The following DENND1B variants were observed in gnomAD, a reference collection of about 807,000 sequenced individuals.
The protein encoded by DENND1B is DENN domain-containing protein 1B.
Under a neutral mutation model 90.1 loss-of-function variants are expected in DENND1B, and 59 were observed. The ratio of observed to expected loss-of-function variants is 0.65; its 90% CI spans 0.53 to 0.81. DENND1B has a LOEUF of 0.81. DENND1B is among the 40% of genes least tolerant of loss of function. The probability of loss-of-function intolerance (pLI) is 0.00; values close to 1 mark genes in which losing one functional copy is unlikely to be tolerated. For missense variants in DENND1B, 862 were observed against 912.6 expected, an observed-to-expected ratio of 0.94 and a Z score of 0.71; for synonymous variants, 337 against 324.6, an observed-to-expected ratio of 1.04 and a Z score of -0.41.
chr1:197,561,659 T>C (rs922471230), intron 15 of DENND1B, among the ~76,000 whole-genome samples: 6 of 151,762 alleles, frequency 4.0e-5, no homozygotes, highest in African/African-American at 1.5e-4. Flanking sequence ...CCAATAGATA[T>C]CTTGACTTAA....
intron 14 of DENND1B, among the ~76,000 whole-genome samples, chr1:197,591,109 C>T (rs1675162571): frequency 6.6e-6 from 1 of 152,160 alleles, no homozygotes; most frequent in African/African-American, 2.4e-5. Context: ...TGGTGAAAGA[C>T]ATGAAAAATG....
intron 22 of DENND1B, among the ~76,000 whole-genome samples, chr1:197,511,421 A>C (rs187204515): frequency 6.6e-6 from 1 of 151,948 alleles, no homozygotes; most frequent in East Asian, 1.9e-4. Context: ...AAGTGAAAAC[A>C]TTTCACATTT....
At chr1:197,544,964 A>AG (rs368384224) in intron 18 of DENND1B, among the ~76,000 whole-genome samples, 25 of 35,300 alleles carry the variant, frequency 7.1e-4, no homozygotes, top group South Asian at 2.7e-3. Context: ...AGGGAGAAGG[A>AG]GAAGGAGGAA....
At chr1:197,597,839 TGATA>T (rs1021196305) in intron 13 of DENND1B, among the ~76,000 whole-genome samples, 31 of 151,796 alleles carry the variant, frequency 2.0e-4, no homozygotes, top group African/African-American at 7.5e-4. Context: ...TATACACACT[TGATA>T]TTTGACTTGT....
At chr1:197,672,290 T>C (rs1655591108) in intron 4 of DENND1B, 134 bp from the exon 5 acceptor site, 1 of 1,088,030 alleles carries the variant, frequency 9.2e-7, no homozygotes, top group Admixed American at 3.0e-5. Flanking sequence ...GCTAGAACTA[T>C]GTTCTAAAAC....
chr1:197,597,967 T>G (rs140937425), intron 13 of DENND1B, among the ~76,000 whole-genome samples: 2 of 151,880 alleles, frequency 1.3e-5, no homozygotes, highest in South Asian at 2.1e-4. Flanking sequence ...TATTTAGGTA[T>G]AGGGTTAAAT....
chr1:197,597,384 T>A (rs1400516265), intron 13 of DENND1B, among the ~76,000 whole-genome samples: 2 of 151,504 alleles, frequency 1.3e-5, no homozygotes, highest in African/African-American at 4.8e-5. Flanking sequence ...TTTAAAGTAT[T>A]ATTATATATA....
intron 2 of DENND1B, among the ~76,000 whole-genome samples, chr1:197,737,160 C>A (rs1259682910): frequency 6.6e-6 from 1 of 152,120 alleles, no homozygotes; most frequent in Non-Finnish European, 1.5e-5. Context: ...CTACAATCAG[C>A]TATAAGGCAG....
At chr1:197,586,849 A>T (rs1250294340) in intron 14 of DENND1B, among the ~76,000 whole-genome samples, 1 of 152,178 alleles carries the variant, frequency 6.6e-6, no homozygotes, top group Non-Finnish European at 1.5e-5. Flanking sequence ...TCACAGAGTT[A>T]ATCCCACTTT....
chr1:197,592,656 G>A (rs1222040836), intron 14 of DENND1B, among the ~76,000 whole-genome samples: 3 of 152,040 alleles, frequency 2.0e-5, no homozygotes, highest in East Asian at 3.9e-4. Context: ...TGGGACATTC[G>A]AAGCCACAGG....
At position 197,736,200 on chromosome 1, in the gene DENND1B, G is replaced by T. The variant is rs1484408338; in HGVS notation, c.83-21126C>A. On this transcript the variant is annotated intron_variant, in intron 2 of 22. Coordinates refer to ENST00000620048, the MANE Select transcript of DENND1B (RefSeq NM_001195215.2). ...ATACTGCAAAACAACCCACTCTTTT[G>T]ATTTCAAGCTCAATTTTAAGCTGCA... The T allele has an allele frequency of 2.7e-5, 12 of 438,164 alleles. No individual in the cohort carries two copies. The East Asian group carries it at 4.6e-4, about 17-fold the overall frequency. The allele number at this position is 438,164 out of a possible 1,614,324, so 27.1% of individuals were successfully genotyped here.
intron 3 of DENND1B, among the ~76,000 whole-genome samples, chr1:197,706,662 G>T (rs1432474629): frequency 6.6e-6 from 1 of 152,092 alleles, no homozygotes; most frequent in Non-Finnish European, 1.5e-5. Flanking sequence ...ATGGCCAACA[G>T]GCACATCAAA....
intron 16 of DENND1B, among the ~76,000 whole-genome samples, chr1:197,549,360 C>A (rs1281215371): frequency 6.6e-6 from 1 of 151,914 alleles, no homozygotes; most frequent in African/African-American, 2.4e-5. Context: ...TCCTTTGATA[C>A]CTTAGTCAGT....
At chr1:197,716,855 C>G (rs941095971) in intron 2 of DENND1B, among the ~76,000 whole-genome samples, 62 of 152,010 alleles carry the variant, frequency 4.1e-4, no homozygotes, top group African/African-American at 1.5e-3. Context: ...AATAAGTATA[C>G]TTATGTTATT....
At chr1:197,568,474 T>G (rs530773901) in intron 15 of DENND1B, among the ~76,000 whole-genome samples, 1 of 152,240 alleles carries the variant, frequency 6.6e-6, no homozygotes, top group South Asian at 2.1e-4. Context: ...TCCAATGATA[T>G]TTTTCTCAGA....
At chr1:197,707,625 T>A (rs1187088677) in intron 3 of DENND1B, among the ~76,000 whole-genome samples, 5 of 146,276 alleles carry the variant, frequency 3.4e-5, no homozygotes, top group Non-Finnish European at 6.0e-5. Flanking sequence ...ATATATAATA[T>A]AATACATATA....
chr1:197,773,000 T>G, intron 1 of DENND1B, 68 bp from the exon 2 acceptor site: 2 of 1,291,718 alleles, frequency 1.5e-6, no homozygotes, highest in Non-Finnish European at 2.2e-6. Context: ...TGTATTTTCT[T>G]AATTCTAAAA....
At chr1:197,693,958 C>T (rs1397917467) in intron 3 of DENND1B, among the ~76,000 whole-genome samples, 2 of 151,416 alleles carry the variant, frequency 1.3e-5, no homozygotes, top group African/African-American at 4.8e-5. Context: ...ATATTTTCAG[C>T]TAGTACACAA....
intron 9 of DENND1B, among the ~76,000 whole-genome samples, 192 bp from the exon 10 acceptor site, chr1:197,643,013 A>G (rs115321075): frequency 5.3e-4 from 80 of 152,328 alleles, no homozygotes; most frequent in African/African-American, 1.8e-3. Context: ...TAGTTGAAAC[A>G]TAACCCTACT....
Sources: allele counts gnomAD v4.1 joint callset (sites outside exome capture counted in the v4.1 genomes callset), GRCh38; gene constraint gnomAD v4.1.1; transcripts MANE v1.5; gene names NCBI Gene and HGNC (gene_info 2026-07-23, HGNC 2026-07-21).